The following ADGRB2 variants were observed in gnomAD, a reference collection of about 807,000 sequenced individuals.
ADGRB2 encodes adhesion G protein-coupled receptor B2, also known as brain-specific angiogenesis inhibitor 2.
ADGRB2 carries 47 observed loss-of-function variants against 178.7 expected under a neutral mutation model. The observed-to-expected ratio is 0.26, with a 90% CI of 0.21 to 0.34. The LOEUF is 0.34. ADGRB2 is among the 10% of genes least tolerant of loss of function. ADGRB2 has a pLI of 1.00. For missense variants in ADGRB2, 1,584 were observed against 2,180.8 expected (o/e 0.73, Z 5.45); for synonymous variants, 870 against 912.4 (o/e 0.95, Z 0.84).
At position 31,731,345 on chromosome 1, in the gene ADGRB2, C is replaced by A. The variant is rs1645272280; in HGVS notation, c.3835G>T (p.Asp1279Tyr). ...GTLSRLSLDEDEEPKSCLVGP... is the reference protein window; with the variant it reads ...GTLSRLSLDEYEEPKSCLVGP... Reference sequence around the variant, plus strand: ...ACGAGGCAGGACTTGGGCTCCTCATCCTCATCCAGGGACAGGCGGGATAGT... The same window carrying A: ...ACGAGGCAGGACTTGGGCTCCTCATACTCATCCAGGGACAGGCGGGATAGT... Residue 1279 changes from aspartate (D) to tyrosine (Y), a missense_variant, in exon 29 of 33, where the codon GAT (aspartate) becomes TAT (tyrosine). Around this residue, in one of 3 missense-constraint regions of ADGRB2, gnomAD observed 865 missense variants for 1,192.8 expected, o/e 0.73. Coordinates refer to ENST00000373658, the MANE Select transcript of ADGRB2 (RefSeq NM_001364857.2). 1.9e-6 allele frequency: 3 copies of A among 1,612,826 alleles called. No homozygotes were observed. The highest frequency in any genetic ancestry group is 2.7e-5 in the African/African-American group (2 of 74,940).
In ADGRB2 at chr1:31,735,417, C is replaced by A; in HGVS notation, c.3354-136G>T. The A allele has an allele frequency of 8.2e-7, 1 of 1,221,744 alleles. No homozygotes were observed. Among genetic ancestry groups the A allele is most frequent in the Non-Finnish European group, 1.2e-6 (1 of 855,366 alleles). The allele number at this position is 1,221,744 out of a possible 1,614,324, so 75.7% of individuals were successfully genotyped here. A position where few individuals can be genotyped will look rare whatever the true frequency, so the allele number is the denominator to read the frequency against. On this transcript the variant is annotated intron_variant, in intron 24 of 32. Coordinates refer to ENST00000373658, the MANE Select transcript of ADGRB2 (RefSeq NM_001364857.2). This position sits in a 1 kb window ranked among gnomAD's most constrained non-coding sequence, Gnocchi z 6.0. Reference sequence around the variant, plus strand: ...GAGCTGGGTTAGGGTGGGTGAGGGGCTGCGGCTGAGCACTCCGGGTGCCCA... The same window carrying A: ...GAGCTGGGTTAGGGTGGGTGAGGGGATGCGGCTGAGCACTCCGGGTGCCCA...
In ADGRB2 at chr1:31,758,924, G is replaced by A. The variant is rs1646956209; in HGVS notation, c.-190-1413C>T. 4.6e-5 allele frequency among the ~76,000 whole-genome samples: 7 copies of A among 152,360 alleles called. No homozygotes were observed. The South Asian group carries it at 1.0e-3, about 23-fold the overall frequency. ...GCCAAGCCAGCGGCTGATGATGAGTGACATCCAATCCCCCTGCTGCCCCCA... is the reference window on the plus strand; with the variant it reads ...GCCAAGCCAGCGGCTGATGATGAGTAACATCCAATCCCCCTGCTGCCCCCA... On this transcript the variant is annotated intron_variant, in intron 1 of 32. Coordinates refer to ENST00000373658, the MANE Select transcript of ADGRB2 (RefSeq NM_001364857.2). This position sits in a 1 kb window ranked among gnomAD's most constrained non-coding sequence, Gnocchi z 4.2.
Position 31,756,939 on chromosome 1 carries a change from G to A in ADGRB2, c.22-124C>T. The A allele has an allele frequency of 1.8e-6, 2 of 1,134,696 alleles. No homozygotes were observed. Among genetic ancestry groups the A allele is most frequent in the Middle Eastern group, 5.8e-4 (2 of 3,436 alleles). The allele number at this position is 1,134,696 out of a possible 1,614,324, so 70.3% of individuals were successfully genotyped here. On this transcript the variant is annotated intron_variant, in intron 3 of 32. Transcript: ENST00000373658. The surrounding 1 kb of genome is among the most constrained non-coding windows in gnomAD (Gnocchi z 8.5). ...CCCTGGTCTTTGAAGTGTCACCTGGGTCCACCTGTGTGAACTTAGACAAGG... is the reference window on the plus strand; with the variant it reads ...CCCTGGTCTTTGAAGTGTCACCTGGATCCACCTGTGTGAACTTAGACAAGG...
chr1:31,733,107 C>A lies in ADGRB2; in HGVS notation c.3489G>T (p.Leu1163=). 1 of 1,586,988 alleles carries A rather than the reference C, an allele frequency of 6.3e-7. No individual in the cohort carries two copies. ...SLWSSCVVLP[L]LALTWMSAVL... is the part of the protein sequence containing the mutation. Reference sequence around the variant, plus strand: ...CGGCAGACATCCAGGTGAGCGCCAGCAGGGGCAGCACCACGCAGGAGCTCC... The same window carrying A: ...CGGCAGACATCCAGGTGAGCGCCAGAAGGGGCAGCACCACGCAGGAGCTCC... The change falls in exon 26 of 33, where the codon CTG becomes CTT. Residue 1163 remains leucine, a synonymous_variant. Coordinates refer to ENST00000373658, the MANE Select transcript of ADGRB2 (RefSeq NM_001364857.2). The surrounding 1 kb of genome is among the most constrained non-coding windows in gnomAD (Gnocchi z 4.3).
rs192290605 is a variant in ADGRB2, at chr1:31,749,952, A to G, written c.839-5221T>C. On this transcript the variant is annotated intron_variant, in intron 4 of 32. Transcript: ENST00000373658. ...GAGAGAGAGAGAAAGAAAGAAAGGA[A>G]AGAAAGAAAGAAAGAGAAAAAGAAC... Among the ~76,000 whole-genome samples, 656 of 152,090 alleles carry G rather than the reference A, an allele frequency of 4.3e-3. 6 individuals carry two copies. The highest frequency in any genetic ancestry group is 0.032 in the East Asian group (167 of 5,174).
Position 31,759,122 on chromosome 1 carries a change from C to T in ADGRB2, c.-190-1611G>A, listed in dbSNP as rs756633141. 3.9e-5 allele frequency among the ~76,000 whole-genome samples: 6 copies of T among 152,150 alleles called. No individual in the cohort carries two copies. Among genetic ancestry groups the T allele is most frequent in the Non-Finnish European group, 7.4e-5 (5 of 68,020 alleles). Reference sequence around the variant, plus strand: ...CCCTTGTGCCCTGAGGACACACACACCAAAGCATGAGGGCACAGATGTTCA... The same window carrying T: ...CCCTTGTGCCCTGAGGACACACACATCAAAGCATGAGGGCACAGATGTTCA... On this transcript the variant is annotated intron_variant, in intron 1 of 32. Transcript: ENST00000373658. The surrounding 1 kb of genome is among the most constrained non-coding windows in gnomAD (Gnocchi z 4.3).
intron 4 of ADGRB2, among the ~76,000 whole-genome samples, chr1:31,751,229 T>C (rs1646553594): frequency 6.6e-6 from 1 of 152,156 alleles, no homozygotes; most frequent in Admixed American, 6.5e-5. Context: ...CGAAAGCCCT[T>C]CCTCCTGAGA....
chr1:31,739,279 A>G (rs1341656897), intron 15 of ADGRB2, 29 bp downstream of exon 15: 2 of 1,443,382 alleles, frequency 1.4e-6, no homozygotes. Context: ...GACCCTCAGC[A>G]GCCCCAGCCA....
rs1372683528 is a variant in ADGRB2 at position 31,749,941 on chromosome 1, GAAAGAAAGGAA to G, written c.839-5221_839-5211del. ...AGAAAAAGAGAGAGAGAGAGAGAAA[GAAAGAAAGGAA>G]AGAAAGAAAGAAAGAGAAAAAGAAC... On this transcript the variant is annotated intron_variant, in intron 4 of 32. Transcript: ENST00000373658. 3.4e-3 allele frequency among the ~76,000 whole-genome samples: 505 copies of G among 150,640 alleles called. 4 individuals are homozygous for G. The highest frequency in any genetic ancestry group is 0.011 in the African/African-American group (460 of 40,958).
chr1:31,749,326 C>T (rs904289765), intron 4 of ADGRB2, among the ~76,000 whole-genome samples: 2 of 152,204 alleles, frequency 1.3e-5, no homozygotes, highest in Non-Finnish European at 2.9e-5. Flanking sequence ...CTGGCATGCT[C>T]CGGCCCCTGC....
At chr1:31,742,804 A>G in intron 7 of ADGRB2, 34 bp downstream of exon 7, 1 of 1,403,748 alleles carries the variant, frequency 7.1e-7, no homozygotes, top group Non-Finnish European at 9.3e-7. Context: ...CGGGCTGGGC[A>G]GCGCCCTCAT....
rs762300565 is a variant in ADGRB2 at position 31,731,007 on chromosome 1, G to A, written c.4173C>T (p.His1391=). The A allele has an allele frequency of 6.3e-7, 1 of 1,577,920 alleles. No homozygotes were observed. Among genetic ancestry groups the A allele is most frequent in the Non-Finnish European group, 8.6e-7 (1 of 1,158,994 alleles). Reference sequence around the variant, plus strand: ...ACAGGAAGCTGGGGTAGCCTTCAGTGTGGGCCACTGTCTTGGCAGCTCGCC... The same window carrying A: ...ACAGGAAGCTGGGGTAGCCTTCAGTATGGGCCACTGTCTTGGCAGCTCGCC... ...TPRRAAKTVA[H]TEGYPSFLSV... The change falls in exon 29 of 33, where the codon CAC becomes CAT. Residue 1391 remains histidine, a synonymous_variant. Coordinates refer to ENST00000373658, the MANE Select transcript of ADGRB2 (RefSeq NM_001364857.2).
At chr1:31,739,281 C>T (rs1206213150) in intron 15 of ADGRB2, 27 bp downstream of exon 15, 3 of 1,443,522 alleles carry the variant, frequency 2.1e-6, no homozygotes, top group Non-Finnish European at 2.7e-6. Context: ...CCCTCAGCAG[C>T]CCCAGCCACC....
In ADGRB2 at chr1:31,739,448, C is replaced by G. The variant is rs1301704837; in HGVS notation, c.2355G>C (p.Arg785Ser). Residue 785 changes from arginine to serine, a missense_variant, in exon 15 of 33, where the codon AGG becomes AGC. Arg to Ser is a moderately radical substitution (Grantham distance 110). Around this residue, in one of 3 missense-constraint regions of ADGRB2, gnomAD observed 865 missense variants for 1,192.8 expected, o/e 0.73. Transcript: ENST00000373658. ...GAGGCACCGTTCCTGGGCCCCTCCC[C>G]CTGCCAGGGCTGCCTGCTGCCCCAG... ...ATSGAAGSPGRGRGPGTVPPG... is the reference protein window; with the variant it reads ...ATSGAAGSPGSGRGPGTVPPG... 2 of 1,599,510 alleles carry G rather than the reference C, an allele frequency of 1.3e-6. No homozygotes were observed. The highest frequency in any genetic ancestry group is 1.7e-6 in the Non-Finnish European group (2 of 1,173,408).
Position 31,728,641 on chromosome 1 carries a change from G to A in ADGRB2, c.4381-8C>T, listed in dbSNP as rs369371791. 29 of 1,613,912 alleles carry A rather than the reference G, an allele frequency of 1.8e-5. No homozygotes were observed. The highest frequency in any genetic ancestry group is 1.6e-4 in the Middle Eastern group (1 of 6,084). On this transcript the variant is annotated splice_polypyrimidine_tract_variant and splice_region_variant and intron_variant, in intron 29 of 32. Transcript: ENST00000373658. The surrounding 1 kb of genome is among the most constrained non-coding windows in gnomAD (Gnocchi z 6.7). Reference sequence around the variant, plus strand: ...ATACCGTAATTTCTTTCGCTGGGAAGGAGCAACAAGGAGGCAATGGAGGAG... The same window carrying A: ...ATACCGTAATTTCTTTCGCTGGGAAAGAGCAACAAGGAGGCAATGGAGGAG...
Position 31,740,463 on chromosome 1 carries a change from G to A in ADGRB2, c.1873C>T (p.Leu625=), listed in dbSNP as rs769717016. The change falls in exon 12 of 33, where the codon CTA becomes TTA. Residue 625 remains leucine (L), a synonymous_variant. Transcript: ENST00000373658. This position sits in a 1 kb window ranked among gnomAD's most constrained non-coding sequence, Gnocchi z 5.9. ...MSQVVRSLQE[L]LARRTYYSGD... is the part of the protein sequence containing the mutation. Reference sequence around the variant, plus strand: ...CTATAGTAGGTGCGCCGGGCCAGTAGCTCCTGCAGGCTGCGCACCACCTGC... The same window carrying A: ...CTATAGTAGGTGCGCCGGGCCAGTAACTCCTGCAGGCTGCGCACCACCTGC... 1.4e-5 allele frequency: 23 copies of A among 1,613,464 alleles called. No homozygotes were observed. Among genetic ancestry groups the A allele is most frequent in the Non-Finnish European group, 1.8e-5 (21 of 1,179,916 alleles).
rs1469252542 is a variant in ADGRB2, at chr1:31,735,847, G to A, written c.3247C>T (p.Pro1083Ser). 1 of 1,608,800 alleles carries A rather than the reference G, an allele frequency of 6.2e-7. No homozygotes were observed. The highest frequency in any genetic ancestry group is 8.5e-7 in the Non-Finnish European group (1 of 1,177,442). ...EGGLLYAFVG[P>S]AAVIVLVNML... is the part of the protein sequence containing the mutation. ...CATACCAGGACAATGACGGCTGCAG[G>A]GCCCACAAAGGCGTAGAGCAGGCCG... The change falls in exon 23 of 33, where the codon CCT (proline) becomes TCT (serine). Residue 1083 changes from proline (P) to serine (S), a missense_variant. By Grantham distance (74) the Pro-to-Ser change is moderately conservative (BLOSUM62 -1). Around this residue, in one of 3 missense-constraint regions of ADGRB2, gnomAD observed 865 missense variants for 1,192.8 expected, o/e 0.73. Coordinates refer to ENST00000373658, the MANE Select transcript of ADGRB2 (RefSeq NM_001364857.2). This position sits in a 1 kb window ranked among gnomAD's most constrained non-coding sequence, Gnocchi z 6.0.
chr1:31,732,307 T>C (rs921116411), intron 27 of ADGRB2, among the ~76,000 whole-genome samples, 153 bp from the exon 28 acceptor site: 1 of 152,208 alleles, frequency 6.6e-6, no homozygotes, highest in African/African-American at 2.4e-5. Flanking sequence ...AGCCCAGGCA[T>C]GGCCTACCCC....
At chr1:31,737,295 C>T (rs979268181) in intron 20 of ADGRB2, 134 bp downstream of exon 20, 1 of 835,042 alleles carries the variant, frequency 1.2e-6, no homozygotes, top group Admixed American at 2.2e-5. Context: ...CTATTTCATA[C>T]ACACTCTAAT....
Sources: gnomAD v4.1 joint callset for allele counts (sites outside exome capture counted in the v4.1 genomes callset) on GRCh38, gnomAD v4.1.1 for gene constraint, gnomAD v4.1.1 regional missense constraint, Gnocchi (gnomAD v3.1) non-coding constraint, MANE v1.5 for transcripts, NCBI Gene and HGNC (gene_info 2026-07-23, HGNC 2026-07-21) for gene names.